KAZN: variants seen among roughly 807,000 people sequenced by gnomAD.
The protein encoded by KAZN is kazrin, periplakin interacting protein.
A neutral mutation model predicts 87.4 loss-of-function variants in KAZN; 40 were observed. The ratio of observed to expected loss-of-function variants is 0.46; its 90% confidence interval spans 0.36 to 0.60. KAZN has a LOEUF of 0.60. KAZN is among the 20% of genes least tolerant of loss of function. The pLI is 0.00. For synonymous variants in KAZN, 466 were observed against 458.3 expected, an observed-to-expected ratio of 1.02 and a Z score of -0.22; for missense variants, 898 against 1,073.9, an observed-to-expected ratio of 0.84 and a Z score of 2.29.
intron 1 of KAZN, among the ~76,000 whole-genome samples, chr1:14,019,609 G>A (rs890071753): frequency 3.3e-5 from 5 of 152,128 alleles, no homozygotes; most frequent in Admixed American, 6.5e-5. Flanking sequence ...CTGTTGCACA[G>A]CAGGTGAGAA....
chr1:14,541,989 T>C (rs759570418), intron 2 of KAZN, among the ~76,000 whole-genome samples: 4 of 152,172 alleles, frequency 2.6e-5, no homozygotes, highest in Non-Finnish European at 5.9e-5. Context: ...GCCTCTCTGA[T>C]ACAGCATAGA....
At chr1:14,944,293 T>A (rs1661484885) in intron 1 of KAZN, among the ~76,000 whole-genome samples, 1 of 150,784 alleles carries the variant, frequency 6.6e-6, no homozygotes, top group Admixed American at 6.6e-5. Context: ...GTTCACAGAC[T>A]AAACTGCTGA....
rs544651757 is a variant in KAZN at position 14,782,465 on chromosome 1, TTGAACCCAG to T, written c.227-178218_227-178210del. Among the ~76,000 whole-genome samples the T allele has an allele frequency of 3.6e-3, 530 of 147,982 alleles. 1 individual carries two copies. Among genetic ancestry groups the T allele is most frequent in the Non-Finnish European group, 6.2e-3 (417 of 67,478 alleles). On this transcript the variant is annotated intron_variant, in intron 1 of 14. Transcript: ENST00000376030. ...GGGAAGGCTGAGGCAGGAGAATCGC[TTGAACCCAG>T]GAGGCAGAGTTTGCAGTGAGCCAAG...
intron 2 of KAZN, among the ~76,000 whole-genome samples, chr1:14,240,055 T>C (rs1263435567): frequency 6.6e-6 from 1 of 152,214 alleles, no homozygotes. Flanking sequence ...CTTGACTGTC[T>C]ATTTGCTATC....
chr1:15,111,122 G>A (rs1019288376), intron 13 of KAZN, among the ~76,000 whole-genome samples: 1 of 152,176 alleles, frequency 6.6e-6, no homozygotes, highest in Non-Finnish European at 1.5e-5. Flanking sequence ...TGGAACCCAA[G>A]AGTTTGAGAA....
At chr1:14,906,188 TAATAATA>T (rs1656559448) in intron 1 of KAZN, among the ~76,000 whole-genome samples, 1 of 25,412 alleles carries the variant, frequency 3.9e-5, no homozygotes, top group Non-Finnish European at 1.5e-4. Context: ...ATAATAATAA[TAATAATA>T]ATAATAATAA....
At chr1:14,836,955 G>A (rs576294200) in intron 1 of KAZN, among the ~76,000 whole-genome samples, 3 of 152,086 alleles carry the variant, frequency 2.0e-5, no homozygotes, top group Non-Finnish European at 4.4e-5. Flanking sequence ...TCCGCCCCCA[G>A]GTAACCGCCT....
intron 1 of KAZN, among the ~76,000 whole-genome samples, chr1:14,702,326 C>CTGTGTGTGTGAGTGTG (rs1641966979): frequency 7.5e-6 from 1 of 133,282 alleles, no homozygotes; most frequent in African/African-American, 2.8e-5. Context: ...TTTTGCAAAA[C>CTGTGTGTGTGAGTGTG]TGTGTGTGTG....
At chr1:14,626,844 C>T (rs953896090) in intron 1 of KAZN, among the ~76,000 whole-genome samples, 5 of 152,122 alleles carry the variant, frequency 3.3e-5, no homozygotes, top group East Asian at 1.9e-4. Flanking sequence ...ATGCTGCTTG[C>T]GGCCCTGTTC....
chr1:14,492,488 T>C lies in KAZN; in HGVS notation c.250-106495T>C, dbSNP rs1029902537. On this transcript the variant is annotated intron_variant, in intron 2 of 16. Transcript: ENST00000636203. ...AGAAGATGGAAAACGAGACTTCCCT[T>C]ATGAAGCTTCTGTTCTACAGAGGTG... is the stretch of plus-strand genomic sequence containing the variant. Among the ~76,000 whole-genome samples the C allele has an allele frequency of 2.0e-5, 3 of 151,358 alleles. No homozygotes were observed. In the East Asian group the frequency reaches 5.9e-4, roughly 30 times the overall value.
chr1:14,310,159 T>G (rs192316014), intron 2 of KAZN, among the ~76,000 whole-genome samples: 126 of 152,126 alleles, frequency 8.3e-4, no homozygotes, highest in African/African-American at 2.8e-3. Flanking sequence ...AAGAAGGATA[T>G]TACAGGCAAT....
At chr1:13,965,788 C>T (rs1254502520) in intron 1 of KAZN, among the ~76,000 whole-genome samples, 3 of 152,148 alleles carry the variant, frequency 2.0e-5, no homozygotes, top group Non-Finnish European at 2.9e-5. Context: ...TTCTCATAAC[C>T]GGTGGGTCTA....
At chr1:14,939,154 G>A (rs968556015) in intron 1 of KAZN, among the ~76,000 whole-genome samples, 2 of 151,796 alleles carry the variant, frequency 1.3e-5, no homozygotes, top group Non-Finnish European at 2.9e-5. Flanking sequence ...TATACTTTTA[G>A]TAGGGACAGG....
chr1:14,123,389 C>T (rs1043843742), intron 1 of KAZN, among the ~76,000 whole-genome samples: 1 of 152,106 alleles, frequency 6.6e-6, no homozygotes, highest in African/African-American at 2.4e-5. Flanking sequence ...GTGTATGTAC[C>T]TTCTGCTGCA....
At position 15,096,585 on chromosome 1, in the gene KAZN, G is replaced by C. The variant is rs1202458806; in HGVS notation, c.1547+1652G>C. Among the ~76,000 whole-genome samples the C allele has an allele frequency of 1.3e-5, 2 of 152,188 alleles. No individual in the cohort carries two copies. The highest frequency in any genetic ancestry group is 4.8e-5 in the African/African-American group (2 of 41,434). On this transcript the variant is annotated intron_variant, in intron 10 of 14. Coordinates refer to ENST00000376030, the MANE Select transcript of KAZN (RefSeq NM_201628.3). The surrounding 1 kb of genome is among the most constrained non-coding windows in gnomAD (Gnocchi z 4.5). Reference sequence around the variant, plus strand: ...ATAACAAAATGACACCATCTGGGTTGCTTAGACAACAACTTACGTCTCACA... The same window carrying C: ...ATAACAAAATGACACCATCTGGGTTCCTTAGACAACAACTTACGTCTCACA...
intron 1 of KAZN, among the ~76,000 whole-genome samples, chr1:14,739,213 G>C (rs575457249): frequency 6.6e-6 from 1 of 152,078 alleles, no homozygotes; most frequent in Admixed American, 6.5e-5. Flanking sequence ...CCCATCTAGC[G>C]TTAAAAGCCA....
chr1:14,862,160 G>A (rs1015110816), intron 1 of KAZN, among the ~76,000 whole-genome samples: 6 of 152,160 alleles, frequency 3.9e-5, no homozygotes, highest in African/African-American at 1.4e-4. Flanking sequence ...CTCAAGGATC[G>A]AATAATAGAG....
intron 1 of KAZN, among the ~76,000 whole-genome samples, chr1:14,636,202 C>A (rs1679972472): frequency 6.6e-6 from 1 of 152,028 alleles, no homozygotes; most frequent in African/African-American, 2.4e-5. Flanking sequence ...GGGCAAGGCA[C>A]CTCCGTCTCT....
chr1:14,219,134 A>G (rs1005613758), intron 2 of KAZN, among the ~76,000 whole-genome samples: 1 of 152,160 alleles, frequency 6.6e-6, no homozygotes, highest in African/African-American at 2.4e-5. Context: ...TGGAGAGACC[A>G]AAGGGTAACC....
Sources: allele counts gnomAD v4.1 joint callset (sites outside exome capture counted in the v4.1 genomes callset), GRCh38; gene constraint gnomAD v4.1.1; non-coding constraint Gnocchi (gnomAD v3.1); transcripts MANE v1.5; gene names NCBI Gene and HGNC (gene_info 2026-07-23, HGNC 2026-07-21).